NALF1: variants seen among roughly 807,000 people sequenced by gnomAD.
The protein encoded by NALF1 is family with sequence similarity 155 member A.
Under a neutral mutation model 48.4 loss-of-function variants are expected in NALF1, and 3 were observed. That is an observed-to-expected ratio of 0.06 (90% CI 0.03 to 0.16). The LOEUF is 0.16. Ranked by LOEUF, NALF1 falls within the 10% of genes least tolerant of loss-of-function variation. The probability of loss-of-function intolerance (pLI) is 1.00; values close to 1 mark genes in which losing one functional copy is unlikely to be tolerated. For synonymous variants in NALF1, 262 were observed against 245.7 expected (o/e 1.07, Z -0.62); for missense variants, 526 against 571.5 (o/e 0.92, Z 0.81).
intron 1 of NALF1, among the ~76,000 whole-genome samples, chr13:107,668,013 TG>T (rs777619705): frequency 6.6e-6 from 1 of 152,110 alleles, no homozygotes; most frequent in Non-Finnish European, 1.5e-5. Context: ...TGTGTCCATG[TG>T]GAAATTTATA....
At chr13:107,389,982 G>A (rs1162225820) in intron 1 of NALF1, among the ~76,000 whole-genome samples, 3 of 152,028 alleles carry the variant, frequency 2.0e-5, no homozygotes, top group Non-Finnish European at 4.4e-5. Context: ...AAAACTTCTA[G>A]GTTTGATTTC....
At chr13:107,444,009 T>C (rs1884608375) in intron 1 of NALF1, among the ~76,000 whole-genome samples, 1 of 152,164 alleles carries the variant, frequency 6.6e-6, no homozygotes. Context: ...TAATTATCTT[T>C]TCCCAGTTTT....
chr13:107,681,953 G>A (rs1353744975), intron 1 of NALF1, among the ~76,000 whole-genome samples: 2 of 152,092 alleles, frequency 1.3e-5, no homozygotes, highest in African/African-American at 4.8e-5. Flanking sequence ...TCTGTCCCAG[G>A]AGCATGTGCA....
chr13:107,839,201 GC>G (rs1306431395), intron 1 of NALF1, among the ~76,000 whole-genome samples: 3 of 151,800 alleles, frequency 2.0e-5, no homozygotes, highest in African/African-American at 7.3e-5. Context: ...TCTAATGAAT[GC>G]CATGCAGATG....
intron 1 of NALF1, among the ~76,000 whole-genome samples, chr13:107,310,549 A>G (rs1163785264): frequency 6.6e-6 from 1 of 152,158 alleles, no homozygotes; most frequent in Non-Finnish European, 1.5e-5. Flanking sequence ...TAGAAAGGTG[A>G]TTATCTTGAC....
At chr13:107,489,710 G>T (rs1885384895) in intron 1 of NALF1, among the ~76,000 whole-genome samples, 1 of 151,810 alleles carries the variant, frequency 6.6e-6, no homozygotes, top group South Asian at 2.1e-4. Context: ...CACAGGCATG[G>T]GCAAAGATTT....
intron 1 of NALF1, among the ~76,000 whole-genome samples, chr13:107,517,033 T>A (rs536126781): frequency 1.4e-4 from 22 of 152,326 alleles, no homozygotes; most frequent in Admixed American, 2.0e-4. Context: ...TTACGTGGCC[T>A]AGGAAGATGG....
chr13:107,454,709 T>C (rs1290378687), intron 1 of NALF1, among the ~76,000 whole-genome samples: 2 of 152,184 alleles, frequency 1.3e-5, no homozygotes, highest in African/African-American at 4.8e-5. Context: ...CTTGAAAACT[T>C]TGAAAAGCTA....
At chr13:107,775,861 T>A (rs1211149803) in intron 1 of NALF1, among the ~76,000 whole-genome samples, 4 of 152,224 alleles carry the variant, frequency 2.6e-5, no homozygotes, top group Non-Finnish European at 5.9e-5. Flanking sequence ...ATAAGCTGAA[T>A]AATACCTCTG....
At chr13:107,439,353 C>G (rs1884519094) in intron 1 of NALF1, among the ~76,000 whole-genome samples, 1 of 152,198 alleles carries the variant, frequency 6.6e-6, no homozygotes, top group Non-Finnish European at 1.5e-5. Context: ...ACCTATAGGA[C>G]CAGCACTAAC....
At chr13:107,333,299 T>C (rs1198244416) in intron 1 of NALF1, among the ~76,000 whole-genome samples, 2 of 152,194 alleles carry the variant, frequency 1.3e-5, no homozygotes, top group African/African-American at 4.8e-5. Context: ...CACAGAATTC[T>C]TGGGCTTAGG....
chr13:107,577,714 A>G (rs1878193393), intron 1 of NALF1, among the ~76,000 whole-genome samples: 1 of 151,948 alleles, frequency 6.6e-6, no homozygotes, highest in African/African-American at 2.4e-5. Flanking sequence ...GTTTTCTGTG[A>G]CCTGTATGTT....
At chr13:107,266,259 C>T (rs544643351) in intron 1 of NALF1, among the ~76,000 whole-genome samples, 1 of 152,168 alleles carries the variant, frequency 6.6e-6, no homozygotes, top group African/African-American at 2.4e-5. Flanking sequence ...AAGAAATACA[C>T]GTGTTTTGTG....
At chr13:107,818,051 G>A (rs1439612923) in intron 1 of NALF1, among the ~76,000 whole-genome samples, 1 of 152,172 alleles carries the variant, frequency 6.6e-6, no homozygotes, top group Non-Finnish European at 1.5e-5. Context: ...TATCCTTCTT[G>A]AATTCTCCCT....
Position 107,437,782 on chromosome 13 carries a change from G to A in NALF1, c.916-227027C>T, listed in dbSNP as rs118011585. ...AAAAATTGATATTTGTATTACACTG[G>A]TTTACACATTTGTCAAAATACAGTA... is the stretch of plus-strand genomic sequence containing the variant. On this transcript the variant is annotated intron_variant, in intron 1 of 2. Coordinates refer to ENST00000375915, the MANE Select transcript of NALF1 (RefSeq NM_001080396.3). 4.9e-3 allele frequency among the ~76,000 whole-genome samples: 743 copies of A among 152,260 alleles called. 1 individual carries two copies. Among genetic ancestry groups the A allele is most frequent in the Non-Finnish European group, 7.7e-3 (526 of 68,026 alleles).
chr13:107,204,236 CCT>C (rs1566450118), intron 2 of NALF1, among the ~76,000 whole-genome samples: 1 of 150,306 alleles, frequency 6.7e-6, no homozygotes, highest in African/African-American at 2.4e-5. Flanking sequence ...AGGTTGTCTT[CCT>C]CTCCCCACAC....
intron 1 of NALF1, among the ~76,000 whole-genome samples, chr13:107,469,327 C>T (rs1395784832): frequency 3.9e-5 from 6 of 152,180 alleles, no homozygotes; most frequent in South Asian, 2.1e-4. Context: ...TTCTTATAGA[C>T]GATGCCTCAA....
chr13:107,819,564 T>C (rs1879292133), intron 1 of NALF1, among the ~76,000 whole-genome samples: 1 of 152,188 alleles, frequency 6.6e-6, no homozygotes, highest in Non-Finnish European at 1.5e-5. Context: ...TACTTACAAA[T>C]ATTAATCACT....
At chr13:107,227,286 C>A (rs1424832167) in intron 1 of NALF1, among the ~76,000 whole-genome samples, 1 of 152,150 alleles carries the variant, frequency 6.6e-6, no homozygotes, top group African/African-American at 2.4e-5. Flanking sequence ...TAGAATAACC[C>A]TCGATACTTC....
Sources: allele counts gnomAD v4.1 joint callset (sites outside exome capture counted in the v4.1 genomes callset), GRCh38; gene constraint gnomAD v4.1.1; transcripts MANE v1.5; gene names NCBI Gene and HGNC (gene_info 2026-07-23, HGNC 2026-07-21).